The following JAKMIP2 variants were observed in gnomAD, a reference collection of about 807,000 sequenced individuals.
The protein encoded by JAKMIP2 is janus kinase and microtubule interacting protein 2.
Under a neutral mutation model 115.0 loss-of-function variants are expected in JAKMIP2, and 25 were observed. That is an observed-to-expected ratio of 0.22 (90% CI 0.16 to 0.30). The LOEUF is 0.30. Ranked by LOEUF, JAKMIP2 falls within the 10% of genes least tolerant of loss-of-function variation. JAKMIP2 has a pLI of 1.00. For missense variants in JAKMIP2, 642 were observed against 957.6 expected, an observed-to-expected ratio of 0.67 and a Z score of 4.35; for synonymous variants, 334 against 343.6, an observed-to-expected ratio of 0.97 and a Z score of 0.31.
intron 1 of JAKMIP2, among the ~76,000 whole-genome samples, chr5:147,700,829 A>G (rs1216556721): frequency 6.6e-6 from 1 of 152,154 alleles, no homozygotes; most frequent in East Asian, 1.9e-4. Flanking sequence ...TGCCTTTAAT[A>G]TAGAATTTTT....
intron 2 of JAKMIP2, among the ~76,000 whole-genome samples, chr5:147,663,865 C>A (rs1370358822): frequency 6.6e-6 from 1 of 152,094 alleles, no homozygotes. Context: ...TCCTGGAGGC[C>A]TCTTCTTTCT....
intron 1 of JAKMIP2, among the ~76,000 whole-genome samples, chr5:147,714,610 G>A (rs1205725085): frequency 1.3e-5 from 2 of 152,140 alleles, no homozygotes; most frequent in East Asian, 1.9e-4. Flanking sequence ...ATATCTATCC[G>A]TGGAGTCAAG....
At chr5:147,781,858 A>T (rs1580921315) in intron 1 of JAKMIP2, among the ~76,000 whole-genome samples, 1 of 152,232 alleles carries the variant, frequency 6.6e-6, no homozygotes, top group East Asian at 1.9e-4. Flanking sequence ...TGTATATATG[A>T]TCTGTATATC....
At chr5:147,697,386 G>A (rs1208332080) in intron 1 of JAKMIP2, among the ~76,000 whole-genome samples, 2 of 152,168 alleles carry the variant, frequency 1.3e-5, no homozygotes, top group Admixed American at 6.5e-5. Flanking sequence ...CAACATGTGG[G>A]AATTCTGGGA....
chr5:147,741,480 A>G (rs1304146484), intron 1 of JAKMIP2, among the ~76,000 whole-genome samples: 1 of 152,136 alleles, frequency 6.6e-6, no homozygotes, highest in African/African-American at 2.4e-5. Context: ...GGTAAAAGGT[A>G]TAAGTATATA....
intron 21 of JAKMIP2, among the ~76,000 whole-genome samples, chr5:147,595,761 A>G (rs1291055675): frequency 6.6e-6 from 1 of 152,198 alleles, no homozygotes; most frequent in African/African-American, 2.4e-5. Flanking sequence ...AAAAGTATTT[A>G]TTGATTGTTG....
At chr5:147,667,367 A>C (rs1163132097) in intron 2 of JAKMIP2, among the ~76,000 whole-genome samples, 2 of 152,204 alleles carry the variant, frequency 1.3e-5, no homozygotes, top group Admixed American at 6.5e-5. Context: ...GTATTTTTCT[A>C]TTCTGTCCTA....
chr5:147,661,767 T>C, intron 2 of JAKMIP2: 1 of 272,690 alleles, frequency 3.7e-6, no homozygotes, highest in Non-Finnish European at 6.9e-6. Context: ...ATCCCTGGCT[T>C]AGCCCCAGAT....
At chr5:147,760,375 G>A (rs1754889646) in intron 1 of JAKMIP2, among the ~76,000 whole-genome samples, 1 of 141,094 alleles carries the variant, frequency 7.1e-6, no homozygotes, top group African/African-American at 2.6e-5. Context: ...ATGGAAAGCA[G>A]AAGAGGGACA....
intron 1 of JAKMIP2, among the ~76,000 whole-genome samples, chr5:147,706,334 C>T (rs2126899558): frequency 6.6e-6 from 1 of 152,170 alleles, no homozygotes; most frequent in South Asian, 2.1e-4. Context: ...ACGTGTTGAC[C>T]AGCAATGCTT....
chr5:147,678,255 G>A (rs1242617157), intron 1 of JAKMIP2, among the ~76,000 whole-genome samples: 2 of 152,140 alleles, frequency 1.3e-5, no homozygotes, highest in African/African-American at 4.8e-5. Flanking sequence ...GCCCACCTCA[G>A]CCTCCCAAAG....
At chr5:147,694,603 T>C (rs558802195) in intron 1 of JAKMIP2, among the ~76,000 whole-genome samples, 1 of 152,336 alleles carries the variant, frequency 6.6e-6, no homozygotes, top group African/African-American at 2.4e-5. Flanking sequence ...GCAATGTCCA[T>C]CTGCAGCTTT....
chr5:147,672,664 T>C (rs1434532809), intron 1 of JAKMIP2, among the ~76,000 whole-genome samples: 1 of 152,282 alleles, frequency 6.6e-6, no homozygotes, highest in African/African-American at 2.4e-5. Context: ...GTTTCAGAAG[T>C]ATAAACAGTA....
chr5:147,741,315 A>G (rs1754134108), intron 1 of JAKMIP2, among the ~76,000 whole-genome samples: 1 of 152,232 alleles, frequency 6.6e-6, no homozygotes, highest in Middle Eastern at 3.2e-3. Flanking sequence ...TTTCAAAAAA[A>G]GAAATTTTCC....
At chr5:147,781,170 T>C (rs1361285247) in intron 1 of JAKMIP2, among the ~76,000 whole-genome samples, 1 of 152,206 alleles carries the variant, frequency 6.6e-6, no homozygotes, top group Non-Finnish European at 1.5e-5. Flanking sequence ...TTTCATTGTA[T>C]AAGCAGACTA....
intron 1 of JAKMIP2, among the ~76,000 whole-genome samples, chr5:147,748,883 A>T (rs2127015613): frequency 6.6e-6 from 1 of 152,328 alleles, no homozygotes; most frequent in Middle Eastern, 3.4e-3. Context: ...TGTGAACCAG[A>T]AGACCTGCTT....
chr5:147,586,482 G>A lies in JAKMIP2; in HGVS notation c.*5225C>T, dbSNP rs905439389. The A allele has an allele frequency of 3.9e-5, 6 of 152,022 alleles. No individual in the cohort carries two copies. Among genetic ancestry groups the A allele is most frequent in the South Asian group, 2.1e-4 (1 of 4,820 alleles). 9.4% of individuals were successfully genotyped at this position (152,022 alleles called of 1,614,324 possible). ...GCATCATCCACTCTTTAGTAAGTTCGTGGGATCTTGATTGTGGGCAAAATT... is the reference window on the plus strand; with the variant it reads ...GCATCATCCACTCTTTAGTAAGTTCATGGGATCTTGATTGTGGGCAAAATT... On this transcript the variant is annotated 3_prime_UTR_variant, in exon 22 of 22. Transcript: ENST00000616793.
chr5:147,750,905 T>TC (rs138561335), intron 1 of JAKMIP2, among the ~76,000 whole-genome samples: 16,949 of 152,100 alleles, frequency 0.11, 1,165 homozygotes, highest in Middle Eastern at 0.19. Flanking sequence ...ACATCGGACT[T>TC]CCAATCTACA....
At chr5:147,658,992 G>C (rs975675763) in intron 3 of JAKMIP2, among the ~76,000 whole-genome samples, 1 of 152,022 alleles carries the variant, frequency 6.6e-6, no homozygotes, top group African/African-American at 2.4e-5. Flanking sequence ...GTGGGACTGG[G>C]ACCCGCTTGT....
Sources: allele counts gnomAD v4.1 joint callset (sites outside exome capture counted in the v4.1 genomes callset), GRCh38; gene constraint gnomAD v4.1.1; transcripts MANE v1.5; gene names NCBI Gene and HGNC (gene_info 2026-07-23, HGNC 2026-07-21).